Variants in NIM1K observed in about 807,000 individuals in gnomAD.
NIM1K encodes the protein NIM1 serine/threonine protein kinase.
In NIM1K, 35 loss-of-function variants were observed where a neutral mutation model predicts 37.1. The observed-to-expected ratio is 0.94, with a 90% CI of 0.72 to 1.25. The LOEUF (loss-of-function observed/expected upper bound fraction) is 1.25, where lower values mean the gene tolerates loss of function less well. NIM1K is among the 50% of genes most tolerant of loss of function. NIM1K has a pLI of 0.00. For missense variants in NIM1K, 564 were observed against 548.0 expected, an observed-to-expected ratio of 1.03 and a Z score of -0.29; for synonymous variants, 234 against 206.6, an observed-to-expected ratio of 1.13 and a Z score of -1.14.
At chr5:43,214,439 T>C (rs541454384) in intron 1 of NIM1K, among the ~76,000 whole-genome samples, 1 of 152,218 alleles carries the variant, frequency 6.6e-6, no homozygotes, top group East Asian at 1.9e-4. Flanking sequence ...TGCAGAACTT[T>C]CCTTGAACTT....
In NIM1K at chr5:43,268,002, G is replaced by T. The variant is rs535626154; in HGVS notation, c.293-9055G>T. Among the ~76,000 whole-genome samples the T allele has an allele frequency of 2.0e-4, 30 of 152,266 alleles. No individual in the cohort carries two copies. In the East Asian group the frequency reaches 5.8e-3, roughly 29 times the overall value. ...GTATTGTTTAAGTCATTGTTTCTTT[G>T]TTGACTTTCTGCCTCGATGATCTGT... On this transcript the variant is annotated intron_variant, in intron 2 of 3. Coordinates refer to ENST00000326035, the MANE Select transcript of NIM1K (RefSeq NM_153361.4).
At chr5:43,234,313 C>T (rs551534848) in intron 1 of NIM1K, among the ~76,000 whole-genome samples, 104 of 152,226 alleles carry the variant, frequency 6.8e-4, no homozygotes, top group Non-Finnish European at 1.2e-3. Context: ...TGTTGTAAAA[C>T]GCCTAGCATC....
intron 1 of NIM1K, among the ~76,000 whole-genome samples, 185 bp downstream of exon 1, chr5:43,192,596 C>T (rs1464490387): frequency 3.9e-5 from 6 of 152,204 alleles, no homozygotes; most frequent in Non-Finnish European, 8.8e-5. Context: ...CTTTCTGGGG[C>T]GTACCCCCAC....
At chr5:43,208,073 G>T (rs541419663) in intron 1 of NIM1K, among the ~76,000 whole-genome samples, 48 of 152,146 alleles carry the variant, frequency 3.2e-4, no homozygotes, top group Admixed American at 5.9e-4. Flanking sequence ...CCTGGAATGT[G>T]ATTTTTGTTC....
At chr5:43,216,251 T>A (rs774381313) in intron 1 of NIM1K, among the ~76,000 whole-genome samples, 1 of 152,116 alleles carries the variant, frequency 6.6e-6, no homozygotes, top group African/African-American at 2.4e-5. Flanking sequence ...TGGAAACTGG[T>A]GAGTCTGACT....
At chr5:43,228,261 C>G (rs1388102747) in intron 1 of NIM1K, among the ~76,000 whole-genome samples, 2 of 151,954 alleles carry the variant, frequency 1.3e-5, no homozygotes, top group Admixed American at 1.3e-4. Flanking sequence ...ATTCTTCTGC[C>G]TCAGCCTCCC....
chr5:43,265,233 C>T (rs1255210789), intron 2 of NIM1K, among the ~76,000 whole-genome samples: 1 of 152,212 alleles, frequency 6.6e-6, no homozygotes, highest in South Asian at 2.1e-4. Context: ...GTTCCATTCT[C>T]TCCGTCACTT....
At chr5:43,229,325 A>G (rs1752503865) in intron 1 of NIM1K, among the ~76,000 whole-genome samples, 1 of 142,354 alleles carries the variant, frequency 7.0e-6, no homozygotes, top group East Asian at 2.3e-4. Flanking sequence ...TGGAGGTTGC[A>G]GTGAGCTGAG....
At chr5:43,226,779 C>T (rs1182307889) in intron 1 of NIM1K, among the ~76,000 whole-genome samples, 1 of 152,148 alleles carries the variant, frequency 6.6e-6, no homozygotes, top group African/African-American at 2.4e-5. Context: ...TGTGAGGAGG[C>T]TTAACTCACA....
intron 2 of NIM1K, among the ~76,000 whole-genome samples, chr5:43,264,102 T>C (rs1488028216): frequency 6.6e-6 from 1 of 152,208 alleles, no homozygotes. Context: ...ATTCTGTTGA[T>C]TTGGGGTCGA....
chr5:43,195,924 G>C (rs33910990), intron 1 of NIM1K, among the ~76,000 whole-genome samples: 18 of 152,126 alleles, frequency 1.2e-4, no homozygotes, highest in South Asian at 2.1e-4. Context: ...GAAGGAAAAC[G>C]AAGTTGCAGA....
rs548014560 is a variant in NIM1K, at chr5:43,257,398, C to T, written c.292+11331C>T. On this transcript the variant is annotated intron_variant, in intron 2 of 3. Coordinates refer to ENST00000326035, the MANE Select transcript of NIM1K (RefSeq NM_153361.4). Reference sequence around the variant, plus strand: ...TTTTTTTTTTTTTGAGATGGAGTCTCGCTCTGTCACCCAGGCTGGGGTGCA... The same window carrying T: ...TTTTTTTTTTTTTGAGATGGAGTCTTGCTCTGTCACCCAGGCTGGGGTGCA... Among the ~76,000 whole-genome samples, 36 of 133,836 alleles carry T rather than the reference C, an allele frequency of 2.7e-4. No individual in the cohort carries two copies. The Admixed American group carries it at 2.9e-3, about 11-fold the overall frequency. The allele number at this position is 133,836 out of a possible 152,430, so 87.8% of individuals were successfully genotyped here. A position where few individuals can be genotyped will look rare whatever the true frequency, so the allele number is the denominator to read the frequency against.
intron 2 of NIM1K, among the ~76,000 whole-genome samples, chr5:43,270,980 C>T (rs1753247421): frequency 6.6e-6 from 1 of 152,122 alleles, no homozygotes; most frequent in Non-Finnish European, 1.5e-5. Context: ...GATTAAGCTA[C>T]TGTAATTTGT....
chr5:43,261,860 A>T (rs1406096385), intron 2 of NIM1K, among the ~76,000 whole-genome samples: 1 of 152,208 alleles, frequency 6.6e-6, no homozygotes, highest in Non-Finnish European at 1.5e-5. Flanking sequence ...CACTTATTAA[A>T]TAGGAATCCT....
Position 43,280,834 on chromosome 5 carries a change from T to A in NIM1K, c.*105T>A. On this transcript the variant is annotated 3_prime_UTR_variant, in exon 4 of 4. Transcript: ENST00000326035. ...CATTTTTGTAATTTTTAAATAAACT[T>A]AAATTTGAGATATGCATTTTTTTTC... The A allele has an allele frequency of 9.0e-7, 1 of 1,110,960 alleles. No individual in the cohort carries two copies. Among genetic ancestry groups the A allele is most frequent in the Non-Finnish European group, 1.3e-6 (1 of 795,086 alleles). 68.8% of individuals were successfully genotyped at this position (1,110,960 alleles called of 1,614,324 possible). A position where few individuals can be genotyped will look rare whatever the true frequency, so the allele number is the denominator to read the frequency against.
intron 2 of NIM1K, among the ~76,000 whole-genome samples, chr5:43,256,527 C>T (rs1429869647): frequency 3.9e-5 from 6 of 152,122 alleles, no homozygotes; most frequent in Non-Finnish European, 5.9e-5. Context: ...GTTTGACATG[C>T]CTATTACACA....
chr5:43,198,543 A>G (rs2112197331), intron 1 of NIM1K, among the ~76,000 whole-genome samples: 1 of 152,090 alleles, frequency 6.6e-6, no homozygotes, highest in Non-Finnish European at 1.5e-5. Context: ...GACTTTATTA[A>G]GTAATGATTA....
chr5:43,270,804 G>A (rs1394826213), intron 2 of NIM1K, among the ~76,000 whole-genome samples: 1 of 152,122 alleles, frequency 6.6e-6, no homozygotes, highest in East Asian at 1.9e-4. Flanking sequence ...GGGAACTTAG[G>A]GAGTGCCCGA....
intron 1 of NIM1K, among the ~76,000 whole-genome samples, chr5:43,243,490 G>T (rs1169559003): frequency 2.7e-5 from 4 of 150,890 alleles, no homozygotes; most frequent in Non-Finnish European, 5.9e-5. Flanking sequence ...CATAGGTTTT[G>T]TTAGCATCTC....
Sources: allele counts gnomAD v4.1 joint callset (sites outside exome capture counted in the v4.1 genomes callset), GRCh38; gene constraint gnomAD v4.1.1; transcripts MANE v1.5; gene names NCBI Gene and HGNC (gene_info 2026-07-23, HGNC 2026-07-21).